The following GRM4 variants were observed in gnomAD, a reference collection of about 807,000 sequenced individuals.
The protein encoded by GRM4 is metabotropic glutamate receptor 4.
Under a neutral mutation model 81.7 loss-of-function variants are expected in GRM4, and 28 were observed. That is an observed-to-expected ratio of 0.34 (90% CI 0.25 to 0.47). The LOEUF is 0.47. Ranked by LOEUF, GRM4 falls within the 20% of genes least tolerant of loss-of-function variation. GRM4 has a pLI of 1.00. For missense variants in GRM4, 948 were observed against 1,290.0 expected, an observed-to-expected ratio of 0.73 and a Z score of 4.06; for synonymous variants, 488 against 528.8, an observed-to-expected ratio of 0.92 and a Z score of 1.06.
rs1765113109 is a variant in GRM4 at position 34,043,478 on chromosome 6, C to A, written c.1169-2730G>T. On this transcript the variant is annotated intron_variant, in intron 6 of 10. Coordinates refer to ENST00000538487, the MANE Select transcript of GRM4 (RefSeq NM_000841.4). ...GAAGCATAAAACACTACTTGACTCC[C>A]CCACAGCTCCCATCACACCCTCATC... 2.0e-5 allele frequency among the ~76,000 whole-genome samples: 3 copies of A among 152,202 alleles called. No individual in the cohort carries two copies. The South Asian group carries it at 6.2e-4, about 31-fold the overall frequency.
intron 2 of GRM4, among the ~76,000 whole-genome samples, chr6:34,094,729 C>T (rs1238708753): frequency 6.6e-6 from 1 of 152,146 alleles, no homozygotes; most frequent in African/African-American, 2.4e-5. Flanking sequence ...TGCCTCCACG[C>T]CCCTCCTGAT....
chr6:34,061,975 C>CG lies in GRM4; in HGVS notation c.789dup (p.Glu264ArgfsTer26). On this transcript the variant is annotated frameshift_variant, in exon 4 of 11. Coordinates refer to ENST00000538487, the MANE Select transcript of GRM4 (RefSeq NM_000841.4). LOFTEE classifies it high-confidence loss of function. ...AGGCGGCGGATGATCTTGTCGAACTCGCCTGCCTTGGGCTCCCGTGGTATC... is the reference window on the plus strand; with the variant it reads ...AGGCGGCGGATGATCTTGTCGAACTCGGCCTGCCTTGGGCTCCCGTGGTATC... 4 of 1,613,980 alleles carry CG rather than the reference C, an allele frequency of 2.5e-6. No individual in the cohort carries two copies. The highest frequency in any genetic ancestry group is 3.4e-6 in the Non-Finnish European group (4 of 1,179,866).
intron 1 of GRM4, among the ~76,000 whole-genome samples, chr6:34,137,512 G>T (rs542722196): frequency 6.6e-6 from 1 of 152,212 alleles, no homozygotes; most frequent in Non-Finnish European, 1.5e-5. Flanking sequence ...ATCCCAGCTG[G>T]GACCTCTCTG....
chr6:34,052,210 GCT>G (rs770768473), intron 6 of GRM4, among the ~76,000 whole-genome samples: 4 of 152,154 alleles, frequency 2.6e-5, no homozygotes, highest in East Asian at 1.9e-4. Context: ...GCTCCCTCTC[GCT>G]CTCTGTGTGA....
intron 2 of GRM4, among the ~76,000 whole-genome samples, chr6:34,107,437 C>T (rs1445508270): frequency 1.3e-5 from 2 of 152,194 alleles, no homozygotes; most frequent in East Asian, 3.8e-4. Context: ...GCTCGTATTG[C>T]TGAGTCCAGA....
intron 2 of GRM4, among the ~76,000 whole-genome samples, chr6:34,118,537 C>T (rs1769683717): frequency 6.6e-6 from 1 of 152,192 alleles, no homozygotes; most frequent in Non-Finnish European, 1.5e-5. Flanking sequence ...AAAAGCCGTC[C>T]TGACCGCGTT....
intron 1 of GRM4, among the ~76,000 whole-genome samples, chr6:34,154,099 C>T (rs1440578003): frequency 2.6e-5 from 4 of 152,196 alleles, no homozygotes. Context: ...CTTTCCACAG[C>T]CACATTCAGC....
At position 34,059,017 on chromosome 6, in the gene GRM4, A is replaced by G. The variant is rs1213468892; in HGVS notation, c.984T>C (p.Ala328=). 6.2e-7 allele frequency: 1 copy of G among 1,613,744 alleles called. No individual in the cohort carries two copies. Among genetic ancestry groups the G allele is most frequent in the East Asian group, 2.2e-5 (1 of 44,872 alleles). Reference sequence around the variant, plus strand: ...TGGGGAGGATCGTGACAGCACCCTCAGCCACCTCCTCCAGGTGCAGCACAG... The same window carrying G: ...TGGGGAGGATCGTGACAGCACCCTCGGCCACCTCCTCCAGGTGCAGCACAG... ...IAPVLHLEEV[A]EGAVTILPKR... Residue 328 remains alanine, a synonymous_variant, in exon 5 of 11, where the codon GCT becomes GCC. Transcript: ENST00000538487. The surrounding 1 kb of genome is among the most constrained non-coding windows in gnomAD (Gnocchi z 5.7).
chr6:34,133,601 G>T lies in GRM4; in HGVS notation c.-105C>A. The T allele has an allele frequency of 6.8e-7, 1 of 1,472,956 alleles. No individual in the cohort carries two copies. The highest frequency in any genetic ancestry group is 1.4e-5 in the South Asian group (1 of 69,776). The allele number at this position is 1,472,956 out of a possible 1,614,324, so 91.2% of individuals were successfully genotyped here. ...CATGGGCAGGGCAGCTTCAGCAGCAGGGGGACTGAGGGCAGCCAACCGCGT... is the reference window on the plus strand; with the variant it reads ...CATGGGCAGGGCAGCTTCAGCAGCATGGGGACTGAGGGCAGCCAACCGCGT... On this transcript the variant is annotated 5_prime_UTR_variant, in exon 2 of 11. The change creates a new upstream start codon in the 5' untranslated region. Coordinates refer to ENST00000538487, the MANE Select transcript of GRM4 (RefSeq NM_000841.4). The surrounding 1 kb of genome is among the most constrained non-coding windows in gnomAD (Gnocchi z 6.5).
intron 10 of GRM4, among the ~76,000 whole-genome samples, chr6:34,023,481 G>A (rs1323339883): frequency 6.6e-6 from 1 of 152,014 alleles, no homozygotes; most frequent in Non-Finnish European, 1.5e-5. Flanking sequence ...TAGAAACTGA[G>A]GCATGCGATT....
chr6:34,033,652 GCTCTTTCTTTCTCT>G (rs1197657346), intron 9 of GRM4, among the ~76,000 whole-genome samples: 5 of 151,662 alleles, frequency 3.3e-5, no homozygotes, highest in Admixed American at 6.6e-5. Flanking sequence ...CTCACAGCTC[GCTCTTTCTTTCTCT>G]CTCTTTCTTT....
chr6:34,113,177 A>G (rs1243007650), intron 2 of GRM4, among the ~76,000 whole-genome samples: 2 of 117,092 alleles, frequency 1.7e-5, no homozygotes, highest in Non-Finnish European at 3.5e-5. Flanking sequence ...ATTTCTTTCT[A>G]TTTTAGAGAT....
rs534442252 is a variant in GRM4, at chr6:34,047,471, C to G, written c.1169-6723G>C. ...CCAGGCTCACCATCCCACAAGCCCC[C>G]AAATTCCCAGAAGTCACCAGCCAGG... On this transcript the variant is annotated intron_variant, in intron 6 of 10. Coordinates refer to ENST00000538487, the MANE Select transcript of GRM4 (RefSeq NM_000841.4). The surrounding 1 kb of genome is among the most constrained non-coding windows in gnomAD (Gnocchi z 4.5). Among the ~76,000 whole-genome samples, 2 of 152,280 alleles carry G rather than the reference C, an allele frequency of 1.3e-5. No individual in the cohort carries two copies. Among genetic ancestry groups the G allele is most frequent in the South Asian group, 2.1e-4 (1 of 4,822 alleles).
chr6:34,155,529 T>G (rs1771134955), exon 1 of GRM4: 1 of 563,074 alleles, frequency 1.8e-6, no homozygotes, highest in African/African-American at 1.9e-5. Flanking sequence ...TAAAATCTGT[T>G]TTTTTGTTTT....
intron 2 of GRM4, among the ~76,000 whole-genome samples, chr6:34,117,071 A>G (rs1342923675): frequency 1.3e-5 from 2 of 152,240 alleles, no homozygotes; most frequent in Non-Finnish European, 2.9e-5. Flanking sequence ...AATGTTCTCT[A>G]TCGGATACCG....
chr6:34,088,986 C>T (rs1768055140), intron 3 of GRM4, among the ~76,000 whole-genome samples: 1 of 152,170 alleles, frequency 6.6e-6, no homozygotes, highest in African/African-American at 2.4e-5. Context: ...AGGACAGAGC[C>T]AGGTTCCCAT....
At chr6:34,128,848 C>A (rs1360779383) in intron 2 of GRM4, among the ~76,000 whole-genome samples, 1 of 152,060 alleles carries the variant, frequency 6.6e-6, no homozygotes, top group East Asian at 1.9e-4. Context: ...CTGTGCAGCG[C>A]CCCCTTCTCC....
At chr6:34,071,217 A>G (rs910900555) in intron 3 of GRM4, among the ~76,000 whole-genome samples, 1 of 151,878 alleles carries the variant, frequency 6.6e-6, no homozygotes. Context: ...ATACATCACC[A>G]CACAGATACA....
In GRM4 at chr6:34,111,891, C is replaced by A. The variant is rs963983156; in HGVS notation, c.520-19792G>T. On this transcript the variant is annotated intron_variant, in intron 2 of 10. Transcript: ENST00000538487. The surrounding 1 kb of genome is among the most constrained non-coding windows in gnomAD (Gnocchi z 5.1). ...GGGGAGTGTGGCCAGACCAGACGCA[C>A]CCCCACCTGTTCCATTTCCTGATTG... is the stretch of plus-strand genomic sequence containing the variant. 6.6e-6 allele frequency among the ~76,000 whole-genome samples: 1 copy of A among 152,092 alleles called. No homozygotes were observed. Among genetic ancestry groups the A allele is most frequent in the South Asian group, 2.1e-4 (1 of 4,826 alleles).
Sources: allele counts gnomAD v4.1 joint callset (sites outside exome capture counted in the v4.1 genomes callset), GRCh38; gene constraint gnomAD v4.1.1; non-coding constraint Gnocchi (gnomAD v3.1); transcripts MANE v1.5; gene names NCBI Gene and HGNC (gene_info 2026-07-23, HGNC 2026-07-21).